The following LUZP2 variants were observed in gnomAD, a reference collection of about 807,000 sequenced individuals.
LUZP2 encodes leucine zipper protein 2.
A neutral mutation model predicts 51.6 loss-of-function variants in LUZP2; 52 were observed. That is an observed-to-expected ratio of 1.01 (90% CI 0.81 to 1.27). The LOEUF (loss-of-function observed/expected upper bound fraction) is 1.27, where lower values mean the gene tolerates loss of function less well. Ranked by LOEUF, LUZP2 falls within the 50% of genes most tolerant of loss-of-function variation. The pLI is 0.00. For synonymous variants in LUZP2, 154 were observed against 137.3 expected, an observed-to-expected ratio of 1.12 and a Z score of -0.85; for missense variants, 436 against 395.4, an observed-to-expected ratio of 1.10 and a Z score of -0.87.
intron 1 of LUZP2, among the ~76,000 whole-genome samples, chr11:24,593,067 C>A (rs1384354894): frequency 2.0e-5 from 3 of 151,302 alleles, no homozygotes; most frequent in Admixed American, 2.0e-4. Flanking sequence ...ACTTTACATT[C>A]TTTGTCTGTT....
chr11:24,509,263 T>A (rs944531623), intron 1 of LUZP2, among the ~76,000 whole-genome samples: 2 of 152,070 alleles, frequency 1.3e-5, no homozygotes, highest in South Asian at 2.1e-4. Context: ...AACAGCCAGA[T>A]TTTTCTTAGA....
At position 25,082,638 on chromosome 11, in the gene LUZP2, A is replaced by G. The variant is rs1263245164; in HGVS notation, c.*3980A>G. 1 of 152,190 alleles carries G rather than the reference A, an allele frequency of 6.6e-6. No homozygotes were observed. Among genetic ancestry groups the G allele is most frequent in the Non-Finnish European group, 1.5e-5 (1 of 68,016 alleles). 9.4% of individuals were successfully genotyped at this position (152,190 alleles called of 1,614,324 possible). On this transcript the variant is annotated 3_prime_UTR_variant, in exon 12 of 12. Transcript: ENST00000336930. ...TTGTTCAATAAAGATTGTTACAAGAATACAATGTATATTATCTTACATAAA... is the reference window on the plus strand; with the variant it reads ...TTGTTCAATAAAGATTGTTACAAGAGTACAATGTATATTATCTTACATAAA...
rs759727050 is a variant in LUZP2, at chr11:24,807,323, G to A, written c.396+44015G>A. 3.9e-5 allele frequency among the ~76,000 whole-genome samples: 6 copies of A among 151,968 alleles called. 1 individual carries two copies. The highest frequency in any genetic ancestry group is 4.1e-4 in the South Asian group (2 of 4,820). On this transcript the variant is annotated intron_variant, in intron 5 of 11. Transcript: ENST00000336930. ...TACTAAAAATACAAATTAGCCAGGCGTAGTGGTGAGTGCCTGTAATCGCAG... is the reference window on the plus strand; with the variant it reads ...TACTAAAAATACAAATTAGCCAGGCATAGTGGTGAGTGCCTGTAATCGCAG...
At chr11:24,998,443 A>G (rs1856574479) in intron 9 of LUZP2, among the ~76,000 whole-genome samples, 1 of 152,130 alleles carries the variant, frequency 6.6e-6, no homozygotes, top group Admixed American at 6.5e-5. Flanking sequence ...GTGTATAAGA[A>G]TGCTTGTGAT....
intron 7 of LUZP2, among the ~76,000 whole-genome samples, 195 bp from the exon 8 acceptor site, chr11:24,976,396 A>G (rs1358063852): frequency 4.6e-5 from 7 of 151,848 alleles, no homozygotes; most frequent in African/African-American, 1.4e-4. Flanking sequence ...TTTTCTGCAT[A>G]TTAAATATTC....
chr11:24,726,946 A>G (rs1858502034), intron 1 of LUZP2, among the ~76,000 whole-genome samples: 1 of 152,110 alleles, frequency 6.6e-6, no homozygotes, highest in East Asian at 1.9e-4. Context: ...AAGGACCTTA[A>G]ATGTTTGAAT....
intron 7 of LUZP2, 106 bp from the exon 8 acceptor site, chr11:24,976,485 T>C: frequency 3.2e-6 from 2 of 629,650 alleles, no homozygotes; most frequent in Admixed American, 3.4e-5. Flanking sequence ...TTTTTTTTTT[T>C]TTTCTTTTCT....
chr11:25,056,581 G>T (rs185690825), intron 10 of LUZP2, among the ~76,000 whole-genome samples: 1 of 152,050 alleles, frequency 6.6e-6, no homozygotes, highest in Non-Finnish European at 1.5e-5. Context: ...TAACATTGTC[G>T]CTCTGGGAAG....
At chr11:24,717,725 A>C (rs1858108762) in intron 1 of LUZP2, among the ~76,000 whole-genome samples, 1 of 151,654 alleles carries the variant, frequency 6.6e-6, no homozygotes, top group South Asian at 2.1e-4. Flanking sequence ...CCCAATAGTT[A>C]TCTCTTCTAT....
intron 1 of LUZP2, among the ~76,000 whole-genome samples, chr11:24,666,510 C>G (rs1033117362): frequency 1.3e-5 from 2 of 152,054 alleles, no homozygotes; most frequent in African/African-American, 2.4e-5. Flanking sequence ...AAACAAATAG[C>G]TAAGACCTCC....
At chr11:24,777,147 C>G (rs1453652482) in intron 5 of LUZP2, among the ~76,000 whole-genome samples, 1 of 151,980 alleles carries the variant, frequency 6.6e-6, no homozygotes, top group East Asian at 1.9e-4. Flanking sequence ...GGCGCCACCA[C>G]CACGCCTGGC....
chr11:24,921,497 A>G (rs1405705777), intron 7 of LUZP2, among the ~76,000 whole-genome samples: 1 of 152,186 alleles, frequency 6.6e-6, no homozygotes, highest in Non-Finnish European at 1.5e-5. Context: ...CATGTTGTCC[A>G]TGTTAGGTGG....
chr11:24,718,824 C>T (rs998164787), intron 1 of LUZP2, among the ~76,000 whole-genome samples: 4 of 152,142 alleles, frequency 2.6e-5, no homozygotes, highest in African/African-American at 9.7e-5. Context: ...AGTGTTAAGG[C>T]TATACAGTGT....
chr11:24,937,001 A>G (rs1277837406), intron 7 of LUZP2, among the ~76,000 whole-genome samples: 1 of 151,874 alleles, frequency 6.6e-6, no homozygotes, highest in Non-Finnish European at 1.5e-5. Flanking sequence ...CTGCTTTTGT[A>G]TTTTTGGTAA....
chr11:24,762,603 T>C (rs1238121162), intron 4 of LUZP2, among the ~76,000 whole-genome samples: 1 of 152,176 alleles, frequency 6.6e-6, no homozygotes, highest in East Asian at 1.9e-4. Flanking sequence ...GTGACTAGTG[T>C]ACTCTCAGGG....
chr11:24,818,197 G>C (rs1850242377), intron 5 of LUZP2, among the ~76,000 whole-genome samples: 2 of 152,144 alleles, frequency 1.3e-5, no homozygotes, highest in South Asian at 4.2e-4. Flanking sequence ...TGACAAGATG[G>C]ATGATCCGTC....
intron 1 of LUZP2, among the ~76,000 whole-genome samples, chr11:24,547,297 A>G (rs187903596): frequency 2.0e-5 from 3 of 152,226 alleles, no homozygotes; most frequent in Admixed American, 2.0e-4. Flanking sequence ...TGGAGGCATT[A>G]CACTACCTGA....
At chr11:24,883,553 G>T (rs529514220) in intron 5 of LUZP2, among the ~76,000 whole-genome samples, 73 of 152,034 alleles carry the variant, frequency 4.8e-4, no homozygotes, top group Non-Finnish European at 9.0e-4. Context: ...GGCTTGAACT[G>T]CAGTATGAAA....
intron 4 of LUZP2, among the ~76,000 whole-genome samples, chr11:24,753,396 A>G (rs1859663352): frequency 6.6e-6 from 1 of 152,118 alleles, no homozygotes; most frequent in African/African-American, 2.4e-5. Context: ...TGGAAGCTTC[A>G]TTACTTCAGC....
Sources: gnomAD v4.1 joint callset for allele counts (sites outside exome capture counted in the v4.1 genomes callset) on GRCh38, gnomAD v4.1.1 for gene constraint, MANE v1.5 for transcripts, NCBI Gene and HGNC (gene_info 2026-07-23, HGNC 2026-07-21) for gene names.